Variants in PTPRD observed in about 807,000 individuals in gnomAD.
PTPRD encodes the protein receptor-type tyrosine-protein phosphatase delta.
In PTPRD, 34 loss-of-function variants were observed where a neutral mutation model predicts 214.5. That is an observed-to-expected ratio of 0.16 (90% CI 0.12 to 0.21). The LOEUF is 0.21. Ranked by LOEUF, PTPRD falls within the 10% of genes least tolerant of loss-of-function variation. The pLI is 1.00. For synonymous variants in PTPRD, 1,128 were observed against 845.7 expected (o/e 1.33, Z -5.79); for missense variants, 2,545 against 2,398.7 (o/e 1.06, Z -1.27).
At chr9:8,651,699 C>T (rs1159041576) in intron 12 of PTPRD, among the ~76,000 whole-genome samples, 1 of 152,036 alleles carries the variant, frequency 6.6e-6, no homozygotes, top group Non-Finnish European at 1.5e-5. Flanking sequence ...TTTAAAAAAT[C>T]AACTCAAAGA....
intron 14 of PTPRD, among the ~76,000 whole-genome samples, chr9:8,596,793 T>C (rs1187957019): frequency 6.6e-6 from 1 of 152,130 alleles, no homozygotes; most frequent in African/African-American, 2.4e-5. Flanking sequence ...AGCAACAATA[T>C]TGTTGATAAA....
At position 9,829,482 on chromosome 9, in the gene PTPRD, T is replaced by C. The variant is rs1385173799; in HGVS notation, c.-367-62631A>G. Among the ~76,000 whole-genome samples, 5 of 151,872 alleles carry C rather than the reference T, an allele frequency of 3.3e-5. No homozygotes were observed. The East Asian group carries it at 9.6e-4, about 29-fold the overall frequency. ...TTCCTCTGGCTTTAATGTGGTCAAA[T>C]GATGATCCTAGAGAAAAATTCCTAA... On this transcript the variant is annotated intron_variant, in intron 5 of 45. Transcript: ENST00000381196.
chr9:10,136,552 A>G (rs1261681371), intron 3 of PTPRD, among the ~76,000 whole-genome samples: 1 of 144,460 alleles, frequency 6.9e-6, no homozygotes, highest in African/African-American at 2.6e-5. Context: ...CCAAAGTATG[A>G]TAAAAATTAA....
At chr9:9,639,460 T>A (rs543465125) in intron 7 of PTPRD, among the ~76,000 whole-genome samples, 9 of 152,314 alleles carry the variant, frequency 5.9e-5, no homozygotes, top group African/African-American at 1.7e-4. Context: ...AAAGGCATAG[T>A]TTCACTCTGG....
chr9:10,610,185 CA>C (rs1480696532), intron 2 of PTPRD, among the ~76,000 whole-genome samples: 2 of 152,096 alleles, frequency 1.3e-5, no homozygotes, highest in East Asian at 3.9e-4. Context: ...TTTAATCACC[CA>C]TCCTGCTTTG....
Position 10,162,774 on chromosome 9 carries a change from T to G in PTPRD, c.-544-128984A>C, listed in dbSNP as rs1208904535. Among the ~76,000 whole-genome samples, 4 of 148,382 alleles carry G rather than the reference T, an allele frequency of 2.7e-5. No individual in the cohort carries two copies. The East Asian group carries it at 7.8e-4, about 29-fold the overall frequency. ...ACATATATATAAATATATATGGAGC[T>G]GGGGGCCTTGATCACCCCTCAATAT... On this transcript the variant is annotated intron_variant, in intron 3 of 45. Coordinates refer to ENST00000381196, the MANE Select transcript of PTPRD (RefSeq NM_002839.4).
chr9:9,573,789 A>G (rs1353834261), intron 8 of PTPRD, among the ~76,000 whole-genome samples: 3 of 151,882 alleles, frequency 2.0e-5, no homozygotes, highest in East Asian at 1.9e-4. Flanking sequence ...AAACAATCCT[A>G]TGTTATGTTG....
At chr9:9,222,334 G>A (rs535862764) in intron 9 of PTPRD, among the ~76,000 whole-genome samples, 5 of 152,088 alleles carry the variant, frequency 3.3e-5, no homozygotes, top group Admixed American at 1.3e-4. Context: ...TTTTACAAGA[G>A]TTCTGTGTTT....
At chr9:8,455,927 C>A (rs1202532088) in intron 33 of PTPRD, among the ~76,000 whole-genome samples, 2 of 152,054 alleles carry the variant, frequency 1.3e-5, no homozygotes, top group East Asian at 1.9e-4. Context: ...TAAAGGTCAG[C>A]CTCACCATAC....
At chr9:9,436,276 G>C (rs1229198555) in intron 8 of PTPRD, among the ~76,000 whole-genome samples, 1 of 151,976 alleles carries the variant, frequency 6.6e-6, no homozygotes, top group Non-Finnish European at 1.5e-5. Context: ...TCCTTCAATG[G>C]ATTTTCACTC....
chr9:9,346,347 A>G (rs1353466353), intron 9 of PTPRD, among the ~76,000 whole-genome samples: 1 of 152,188 alleles, frequency 6.6e-6, no homozygotes, highest in Non-Finnish European at 1.5e-5. Context: ...ACGTAACATA[A>G]TTTGATCTTG....
intron 7 of PTPRD, among the ~76,000 whole-genome samples, chr9:9,726,682 A>G (rs2098098694): frequency 6.6e-6 from 1 of 152,190 alleles, no homozygotes; most frequent in Admixed American, 6.5e-5. Context: ...ATGTGAAAAG[A>G]CATTTTCATA....
At chr9:9,811,125 C>A (rs780813263) in intron 5 of PTPRD, among the ~76,000 whole-genome samples, 1 of 152,060 alleles carries the variant, frequency 6.6e-6, no homozygotes, top group Non-Finnish European at 1.5e-5. Flanking sequence ...ATAATTCCAG[C>A]TACTCAGGAG....
intron 11 of PTPRD, among the ~76,000 whole-genome samples, chr9:8,758,219 G>T (rs924555276): frequency 6.6e-6 from 1 of 152,156 alleles, no homozygotes; most frequent in African/African-American, 2.4e-5. Context: ...CTCAACTGCG[G>T]TTCCACAAGA....
At chr9:9,695,753 A>G (rs563683487) in intron 7 of PTPRD, among the ~76,000 whole-genome samples, 1 of 152,102 alleles carries the variant, frequency 6.6e-6, no homozygotes, top group Admixed American at 6.6e-5. Context: ...TGAATCCTAT[A>G]TGATCATGGT....
chr9:9,794,959 A>C (rs1027120106), intron 5 of PTPRD, among the ~76,000 whole-genome samples: 2 of 152,218 alleles, frequency 1.3e-5, no homozygotes, highest in African/African-American at 4.8e-5. Flanking sequence ...TCACAGGTCT[A>C]AATGAATGAG....
chr9:9,872,601 C>T (rs1395970632), intron 5 of PTPRD, among the ~76,000 whole-genome samples: 1 of 151,930 alleles, frequency 6.6e-6, no homozygotes, highest in Non-Finnish European at 1.5e-5. Context: ...AAACAACCAC[C>T]ACCACCACCA....
intron 5 of PTPRD, among the ~76,000 whole-genome samples, chr9:9,921,997 C>G (rs899093494): frequency 6.6e-6 from 1 of 152,026 alleles, no homozygotes; most frequent in Non-Finnish European, 1.5e-5. Flanking sequence ...AATCCCTGTG[C>G]CATAATTCAA....
At chr9:8,914,772 G>T (rs2098772945) in intron 11 of PTPRD, among the ~76,000 whole-genome samples, 1 of 152,136 alleles carries the variant, frequency 6.6e-6, no homozygotes, top group African/African-American at 2.4e-5. Flanking sequence ...ACCAACAAAA[G>T]ATTTATTCAG....
Sources: allele counts gnomAD v4.1 joint callset (sites outside exome capture counted in the v4.1 genomes callset), GRCh38; gene constraint gnomAD v4.1.1; transcripts MANE v1.5; gene names NCBI Gene and HGNC (gene_info 2026-07-23, HGNC 2026-07-21).